HEPH: variants seen among roughly 807,000 people sequenced by gnomAD.
HEPH encodes hephaestin.
HEPH carries 69 observed loss-of-function variants against 80.8 expected under a neutral mutation model. The observed-to-expected ratio is 0.85, with a 90% CI of 0.70 to 1.04. The LOEUF (loss-of-function observed/expected upper bound fraction) is 1.04, where lower values mean the gene tolerates loss of function less well. HEPH is among the 50% of genes least tolerant of loss of function. The probability of loss-of-function intolerance (pLI) is 0.00; values close to 1 mark genes in which losing one functional copy is unlikely to be tolerated. For synonymous variants in HEPH, 431 were observed against 322.8 expected (o/e 1.34, Z -3.60); for missense variants, 1,115 against 891.3 (o/e 1.25, Z -3.20).
chrX:66,201,639 T>G (rs1459294474), intron 12 of HEPH, among the ~76,000 whole-genome samples: 1 of 111,950 alleles, frequency 8.9e-6, no homozygotes, highest in East Asian at 2.8e-4. Context: ...ATTAAACTTT[T>G]GTTTTACTCC....
At chrX:66,178,330 A>C (rs1291914434) in intron 4 of HEPH, among the ~76,000 whole-genome samples, 2 of 108,997 alleles carry the variant, frequency 1.8e-5, no homozygotes, top group Non-Finnish European at 3.8e-5. Flanking sequence ...ACATTTTCTT[A>C]ATCCAGTCTA....
Position 66,200,661 on chromosome X carries a change from C to A in HEPH, c.1986C>A (p.Gly662=), listed in dbSNP as rs1051115334. 2.5e-6 allele frequency: 3 copies of A among 1,211,194 alleles called. 1 individual carries two copies. Among genetic ancestry groups the A allele is most frequent in the African/African-American group, 3.5e-5 (2 of 57,648 alleles). The change falls in exon 12 of 21, where the codon GGC becomes GGA. Residue 662 remains glycine (G), a synonymous_variant. Coordinates refer to ENST00000343002, the MANE Select transcript of HEPH (RefSeq NM_001367233.3). ...ATGTGCATGGAGTCATGTTCCAGGG[C>A]AACACTGTGCAGCTTCAGGGCATGA... The part of the protein sequence containing the change: ...ETDVHGVMFQ[G]NTVQLQGMRK...
intron 9 of HEPH, among the ~76,000 whole-genome samples, chrX:66,196,295 T>C (rs1049550671): frequency 2.7e-5 from 3 of 111,465 alleles, no homozygotes; most frequent in African/African-American, 9.8e-5. Context: ...TGTGTGTAGA[T>C]GTATATACAC....
intron 15 of HEPH, among the ~76,000 whole-genome samples, chrX:66,231,152 A>C (rs368996009): frequency 1.4e-4 from 15 of 109,824 alleles, no homozygotes; most frequent in South Asian, 7.9e-4. Flanking sequence ...GTTTTGGTAC[A>C]AGTACCATGC....
intron 15 of HEPH, among the ~76,000 whole-genome samples, chrX:66,238,727 G>T (rs1322175239): frequency 9.0e-6 from 1 of 111,624 alleles, no homozygotes; most frequent in Admixed American, 9.5e-5. Context: ...CAGAAGTATA[G>T]AGCTGTGAAA....
At chrX:66,192,518 C>T (rs941270900) in intron 7 of HEPH, among the ~76,000 whole-genome samples, 1 of 111,218 alleles carries the variant, frequency 9.0e-6, no homozygotes, top group Admixed American at 9.5e-5. Flanking sequence ...TATTCCATAT[C>T]CCCACAAAGG....
chrX:66,255,014 G>A lies in HEPH; in HGVS notation c.2564-21G>A, dbSNP rs2091129055. ...AAATTTCTGACCCGGTGCAACTGGA[G>A]GTTCCTTGTTACACTTCTAGGTGAG... is the stretch of plus-strand genomic sequence containing the variant. On this transcript the variant is annotated intron_variant, in intron 15 of 20. Transcript: ENST00000343002. 4 of 1,123,382 alleles carry A rather than the reference G, an allele frequency of 3.6e-6. No homozygotes were observed. The African/African-American group carries it at 5.4e-5, about 15-fold the overall frequency. The allele number at this position is 1,123,382 out of a possible 1,213,427, so 92.6% of individuals were successfully genotyped here.
intron 15 of HEPH, among the ~76,000 whole-genome samples, chrX:66,216,774 G>A (rs1602380295): frequency 9.0e-6 from 1 of 111,703 alleles, no homozygotes; most frequent in African/African-American, 3.3e-5. Context: ...AGCTAATCAA[G>A]GAGGCACCAG....
Position 66,244,575 on chromosome X carries a change from A to AT in HEPH, c.2564-10453dup, listed in dbSNP as rs199625033. Among the ~76,000 whole-genome samples the AT allele has an allele frequency of 8.1e-3, 901 of 111,230 alleles. 3 individuals are homozygous for AT. Among genetic ancestry groups the AT allele is most frequent in the Non-Finnish European group, 0.013 (688 of 52,933 alleles). ...TATATCATTTTATTATATCCCTTAGATTTTTTTAAATTGGGTTTCTACTTT... is the reference window on the plus strand; with the variant it reads ...TATATCATTTTATTATATCCCTTAGATTTTTTTTAAATTGGGTTTCTACTTT... On this transcript the variant is annotated intron_variant, in intron 15 of 20. Coordinates refer to ENST00000343002, the MANE Select transcript of HEPH (RefSeq NM_001367233.3).
intron 15 of HEPH, among the ~76,000 whole-genome samples, chrX:66,247,019 G>A (rs2090837186): frequency 9.0e-6 from 1 of 111,112 alleles, no homozygotes; most frequent in Non-Finnish European, 1.9e-5. Flanking sequence ...TAACCTCCAT[G>A]GTCTCAGAGA....
At position 66,232,021 on chromosome X, in the gene HEPH, A is replaced by T. The variant is rs1281879532; in HGVS notation, c.2564-23014A>T. Among the ~76,000 whole-genome samples the T allele has an allele frequency of 1.4e-4, 15 of 109,227 alleles. No homozygotes were observed. The Admixed American group carries it at 1.5e-3, about 11-fold the overall frequency. 94.9% of individuals were successfully genotyped at this position (109,227 alleles called of 115,157 possible). ...GAATTTTGTCAAAGGCTTTTTCTGC[A>T]TCTATTGAGATAATCATGTGGTTTT... On this transcript the variant is annotated intron_variant, in intron 15 of 20. Transcript: ENST00000343002.
rs772465088 is a variant in HEPH at position 66,192,299 on chromosome X, G to A, written c.1232+1G>A. 8.4e-7 allele frequency: 1 copy of A among 1,197,532 alleles called. No homozygotes were observed. The highest frequency in any genetic ancestry group is 1.1e-6 in the Non-Finnish European group (1 of 884,657). On this transcript the variant is annotated splice_donor_variant, in intron 7 of 20. Transcript: ENST00000343002. LOFTEE classifies it high-confidence loss of function. ...GGAAGAATTTGAGAGAGCCAGGCAG[G>A]TAAGAGGCAGTGGGATCCCTCTCTT...
chrX:66,234,579 G>T (rs767897409), intron 15 of HEPH, among the ~76,000 whole-genome samples: 31 of 103,220 alleles, frequency 3.0e-4, no homozygotes, highest in South Asian at 1.3e-3. Context: ...CCACCATCTG[G>T]TTTTTTTTTT....
intron 5 of HEPH, among the ~76,000 whole-genome samples, 154 bp from the exon 6 acceptor site, chrX:66,189,530 G>GT (rs1486419440): frequency 3.6e-5 from 4 of 111,550 alleles, no homozygotes; most frequent in Non-Finnish European, 7.5e-5. Context: ...TCTCAGGGAT[G>GT]TTTTTGAGAT....
downstream of HEPH, chrX:66,268,251 T>C (rs185529098): frequency 2.7e-5 from 3 of 112,311 alleles, no homozygotes; most frequent in East Asian, 8.4e-4. Context: ...TTTCTGTCTG[T>C]CCAGCAATCT....
intron 15 of HEPH, among the ~76,000 whole-genome samples, chrX:66,243,880 C>A (rs189036465): frequency 8.9e-5 from 10 of 112,272 alleles, no homozygotes; most frequent in African/African-American, 2.9e-4. Flanking sequence ...ATTCCCTTAG[C>A]ATTTGCCTGC....
In HEPH at chrX:66,170,286, A is replaced by G. The variant is rs2086538291; in HGVS notation, c.-13-272A>G. ...CAGAGCACATTCTTCCTGCTACACC[A>G]TTGAAAAAACTGGATCCAGATCTCT... is the stretch of plus-strand genomic sequence containing the variant. On this transcript the variant is annotated intron_variant, in intron 1 of 20. Transcript: ENST00000343002. The G allele has an allele frequency of 5.6e-5, 14 of 249,388 alleles. No homozygotes were observed. In the South Asian group the frequency reaches 1.6e-3, roughly 28 times the overall value. The allele number at this position is 249,388 out of a possible 1,213,427, so 20.6% of individuals were successfully genotyped here.
At position 66,258,903 on chromosome X, in the gene HEPH, C is replaced by G. The variant is rs1270995931; in HGVS notation, c.2960C>G (p.Ala987Gly). ...GLTMYQGERV[A>G]WYMLAMGQDV... ...ACCATGTACCAAGGAGAACGAGTGG[C>G]CTGGTACATGCTGGCCATGGGCCAA... Residue 987 changes from alanine to glycine, a missense_variant, in exon 18 of 21, where the codon GCC becomes GGC. Transcript: ENST00000343002. 1 of 1,198,927 alleles carries G rather than the reference C, an allele frequency of 8.3e-7. No homozygotes were observed. Among genetic ancestry groups the G allele is most frequent in the Non-Finnish European group, 1.1e-6 (1 of 888,956 alleles).
At chrX:66,243,487 C>G (rs1038352357) in intron 15 of HEPH, among the ~76,000 whole-genome samples, 25 of 112,796 alleles carry the variant, frequency 2.2e-4, no homozygotes, top group Admixed American at 1.5e-3. Context: ...GGAATAGCAA[C>G]TCCTGCTTTC....
Sources: gnomAD v4.1 joint callset for allele counts (sites outside exome capture counted in the v4.1 genomes callset) on GRCh38, gnomAD v4.1.1 for gene constraint, MANE v1.5 for transcripts, NCBI Gene and HGNC (gene_info 2026-07-23, HGNC 2026-07-21) for gene names.